Variants in PARD3 observed in about 807,000 individuals in gnomAD.
The protein encoded by PARD3 is par-3 family cell polarity regulator.
In PARD3, 75 loss-of-function variants were observed where a neutral mutation model predicts 155.4. The observed-to-expected ratio is 0.48, with a 90% CI of 0.40 to 0.58. The LOEUF (loss-of-function observed/expected upper bound fraction) is 0.58. PARD3 is among the 20% of genes least tolerant of loss of function. The pLI is 0.00. For missense variants in PARD3, 1,642 were observed against 1,721.7 expected, an observed-to-expected ratio of 0.95 and a Z score of 0.82; for synonymous variants, 576 against 610.5, an observed-to-expected ratio of 0.94 and a Z score of 0.83.
At chr10:34,670,255 A>G (rs1268291387) in intron 2 of PARD3, among the ~76,000 whole-genome samples, 1 of 152,206 alleles carries the variant, frequency 6.6e-6, no homozygotes, top group African/African-American at 2.4e-5. Context: ...GCCTCAAAAC[A>G]CAAGGGACGC....
chr10:34,506,945 G>A (rs1473017364), intron 3 of PARD3, among the ~76,000 whole-genome samples: 1 of 152,172 alleles, frequency 6.6e-6, no homozygotes, highest in African/African-American at 2.4e-5. Flanking sequence ...GCCGCCGCCT[G>A]ACAGCCTGTC....
intron 22 of PARD3, among the ~76,000 whole-genome samples, chr10:34,221,629 C>T (rs1476416049): frequency 6.6e-6 from 1 of 152,156 alleles, no homozygotes; most frequent in Non-Finnish European, 1.5e-5. Context: ...GAGCCCTATC[C>T]GTTCCTTTCT....
intron 12 of PARD3, among the ~76,000 whole-genome samples, chr10:34,363,083 T>A (rs1424602369): frequency 6.6e-6 from 1 of 152,232 alleles, no homozygotes; most frequent in Non-Finnish European, 1.5e-5. Context: ...TTGCTTCAAC[T>A]CTGGAAGGTT....
At chr10:34,228,311 C>T (rs1952733310) in intron 22 of PARD3, among the ~76,000 whole-genome samples, 1 of 151,982 alleles carries the variant, frequency 6.6e-6, no homozygotes, top group African/African-American at 2.4e-5. Flanking sequence ...TGCTCACTAC[C>T]CGGATGCCAA....
At chr10:34,540,590 C>T (rs1265232858) in intron 2 of PARD3, among the ~76,000 whole-genome samples, 1 of 152,096 alleles carries the variant, frequency 6.6e-6, no homozygotes, top group African/African-American at 2.4e-5. Flanking sequence ...CAGCAAGATA[C>T]TGTCTCTACA....
intron 1 of PARD3, among the ~76,000 whole-genome samples, chr10:34,736,658 ATTTATTTATTT>A (rs752191195): frequency 2.7e-4 from 22 of 80,756 alleles, no homozygotes; most frequent in Admixed American, 2.7e-4. Flanking sequence ...TAATTAATTT[ATTTATTTATTT>A]ATTTATTTAT....
intron 22 of PARD3, among the ~76,000 whole-genome samples, chr10:34,193,737 T>C (rs1950816404): frequency 6.6e-6 from 1 of 152,216 alleles, no homozygotes; most frequent in South Asian, 2.1e-4. Context: ...GAATTTATAT[T>C]CACAATAATT....
intron 4 of PARD3, among the ~76,000 whole-genome samples, chr10:34,452,713 C>A (rs888755776): frequency 1.8e-4 from 28 of 152,148 alleles, no homozygotes; most frequent in African/African-American, 6.8e-4. Flanking sequence ...CACGTCCTAC[C>A]CTGACAACTT....
chr10:34,792,945 T>C (rs1330023452), intron 1 of PARD3, among the ~76,000 whole-genome samples: 3 of 152,250 alleles, frequency 2.0e-5, no homozygotes, highest in Non-Finnish European at 4.4e-5. Context: ...TGATTCTTTA[T>C]ATACCTTGAA....
chr10:34,366,670 C>T (rs1365434400), intron 12 of PARD3, among the ~76,000 whole-genome samples: 1 of 152,120 alleles, frequency 6.6e-6, no homozygotes, highest in Non-Finnish European at 1.5e-5. Flanking sequence ...AGGTAGGTAT[C>T]TGAGACAATA....
intron 1 of PARD3, among the ~76,000 whole-genome samples, chr10:34,753,688 T>G (rs10827415): frequency 0.29 from 43,441 of 152,074 alleles, 6,526 homozygotes; most frequent in East Asian, 0.54. Context: ...TGGACATGCA[T>G]ATGTTTGATT....
rs1200538751 is a variant in PARD3, at chr10:34,792,437, C to T, written c.120+22439G>A. ...AGCACCCATTCTCCCATTATCAACA[C>T]GTCACAAACTCTACTTAGCAGAGTA... On this transcript the variant is annotated intron_variant, in intron 1 of 24. Transcript: ENST00000374788. 2.0e-5 allele frequency among the ~76,000 whole-genome samples: 3 copies of T among 152,302 alleles called. No homozygotes were observed. The East Asian group carries it at 5.8e-4, about 29-fold the overall frequency.
chr10:34,779,776 T>C (rs1348942068), intron 1 of PARD3, among the ~76,000 whole-genome samples: 1 of 152,204 alleles, frequency 6.6e-6, no homozygotes, highest in African/African-American at 2.4e-5. Flanking sequence ...AACATTTCAA[T>C]AGCAAAGCAT....
rs1234152455 is a variant in PARD3, at chr10:34,282,735, G to A, written c.3176+1400C>T. On this transcript the variant is annotated intron_variant, in intron 21 of 24. Coordinates refer to ENST00000374788, the MANE Select transcript of PARD3 (RefSeq NM_001184785.2). ...GAATCTGAGTTCACACATTTACCTG[G>A]TATAGTCTCCTCCTTTAGGGAGAAG... 2.6e-5 allele frequency among the ~76,000 whole-genome samples: 4 copies of A among 152,024 alleles called. No individual in the cohort carries two copies. In the East Asian group the frequency reaches 7.7e-4, roughly 29 times the overall value.
At chr10:34,278,369 T>C (rs981510629) in intron 21 of PARD3, among the ~76,000 whole-genome samples, 1 of 152,082 alleles carries the variant, frequency 6.6e-6, no homozygotes, top group Non-Finnish European at 1.5e-5. Flanking sequence ...TTAACAAAGG[T>C]AAGGGATCCC....
At chr10:34,196,574 T>C (rs916008574) in intron 22 of PARD3, among the ~76,000 whole-genome samples, 9 of 142,138 alleles carry the variant, frequency 6.3e-5, no homozygotes, top group Admixed American at 2.1e-4. Context: ...TTTTCTTTTT[T>C]TTTTTTTTTT....
At chr10:34,677,836 A>C (rs1359578010) in intron 2 of PARD3, among the ~76,000 whole-genome samples, 1 of 152,150 alleles carries the variant, frequency 6.6e-6, no homozygotes, top group Admixed American at 6.5e-5. Context: ...CTCATCCAAA[A>C]GTAAAAATAA....
At chr10:34,150,157 A>C (rs1484326755) in intron 22 of PARD3, among the ~76,000 whole-genome samples, 2 of 152,208 alleles carry the variant, frequency 1.3e-5, no homozygotes, top group East Asian at 3.8e-4. Context: ...AGTATATGTG[A>C]ATAATATGAG....
At chr10:34,801,030 G>A (rs931263513) in intron 1 of PARD3, among the ~76,000 whole-genome samples, 7 of 152,120 alleles carry the variant, frequency 4.6e-5, no homozygotes, top group Non-Finnish European at 8.8e-5. Flanking sequence ...AAAATTCTCC[G>A]AATTATTTCT....
Sources: allele counts gnomAD v4.1 joint callset (sites outside exome capture counted in the v4.1 genomes callset), GRCh38; gene constraint gnomAD v4.1.1; transcripts MANE v1.5; gene names NCBI Gene and HGNC (gene_info 2026-07-23, HGNC 2026-07-21).